INVS: variants seen among roughly 807,000 people sequenced by gnomAD.
INVS encodes inversion of embryo turning homolog.
A neutral mutation model predicts 108.8 loss-of-function variants in INVS; 86 were observed. The ratio of observed to expected loss-of-function variants is 0.79; its 90% CI spans 0.66 to 0.95. The LOEUF (loss-of-function observed/expected upper bound fraction) is 0.95. Among genes scored for constraint, INVS ranks in the 40% least tolerant of loss-of-function variants. INVS has a pLI of 0.00. For synonymous variants in INVS, 455 were observed against 473.5 expected (o/e 0.96, Z 0.51); for missense variants, 1,169 against 1,297.4 (o/e 0.90, Z 1.52).
At chr9:100,296,205 T>A (rs1833787086) in intron 14 of INVS, among the ~76,000 whole-genome samples, 3 of 152,182 alleles carry the variant, frequency 2.0e-5, no homozygotes, top group African/African-American at 7.2e-5. Context: ...ATAATAAACA[T>A]TGCTGCAGCT....
intron 8 of INVS, among the ~76,000 whole-genome samples, chr9:100,247,568 C>T (rs552452884): frequency 5.9e-5 from 9 of 152,002 alleles, no homozygotes; most frequent in African/African-American, 2.2e-4. Context: ...TAGAAACATG[C>T]TAGAGCCATT....
rs35535555 is a variant in INVS, at chr9:100,156,931, C to CAT, written c.273+30394_273+30395dup. Among the ~76,000 whole-genome samples the CAT allele has an allele frequency of 6.4e-3, 802 of 124,604 alleles. 10 individuals are homozygous for CAT. Among genetic ancestry groups the CAT allele is most frequent in the African/African-American group, 0.021 (741 of 35,998 alleles). 81.7% of individuals were successfully genotyped at this position (124,604 alleles called of 152,430 possible). On this transcript the variant is annotated intron_variant, in intron 3 of 16. Coordinates refer to ENST00000262457, the MANE Select transcript of INVS (RefSeq NM_014425.5). ...TCAAACTAATATATATGTATATATA[C>CAT]ATATATATATATACACACACACACA...
intron 3 of INVS, among the ~76,000 whole-genome samples, chr9:100,158,158 TC>T (rs1829062263): frequency 1.3e-5 from 2 of 152,202 alleles, no homozygotes; most frequent in African/African-American, 4.8e-5. Context: ...TCTTAGTAGA[TC>T]TATCTTGTTT....
At chr9:100,177,448 G>T (rs541956831) in intron 3 of INVS, among the ~76,000 whole-genome samples, 1 of 152,118 alleles carries the variant, frequency 6.6e-6, no homozygotes, top group Non-Finnish European at 1.5e-5. Flanking sequence ...GGGGAGGGGC[G>T]TCCCCCATTA....
At chr9:100,278,135 G>C (rs1833163864) in intron 12 of INVS, among the ~76,000 whole-genome samples, 1 of 151,210 alleles carries the variant, frequency 6.6e-6, no homozygotes, top group Non-Finnish European at 1.5e-5. Context: ...TACTAGGGAG[G>C]TGGGAAGATC....
chr9:100,138,551 T>C (rs1325548411), intron 3 of INVS, among the ~76,000 whole-genome samples: 1 of 152,114 alleles, frequency 6.6e-6, no homozygotes, highest in Non-Finnish European at 1.5e-5. Context: ...ACCCAGCTTC[T>C]ACCCTTTCCG....
rs10527613 is a variant in INVS, at chr9:100,301,139, T to TCACACACA, written c.*498_*505dup. 593 of 167,882 alleles carry TCACACACA rather than the reference T, an allele frequency of 3.5e-3. 3 individuals carry two copies. Among genetic ancestry groups the TCACACACA allele is most frequent in the African/African-American group, 7.1e-3 (198 of 27,726 alleles). 10.4% of individuals were successfully genotyped at this position (167,882 alleles called of 1,614,324 possible). On this transcript the variant is annotated 3_prime_UTR_variant, in exon 17 of 17. Coordinates refer to ENST00000262457, the MANE Select transcript of INVS (RefSeq NM_014425.5). ...CCTGGCATCTAATGCAACAAACTTA[T>TCACACACA]CACACACACACACACACACACACAC...
At chr9:100,218,934 C>T (rs2118356009) in intron 3 of INVS, among the ~76,000 whole-genome samples, 1 of 152,114 alleles carries the variant, frequency 6.6e-6, no homozygotes, top group East Asian at 1.9e-4. Flanking sequence ...GTGGAAGATG[C>T]TCTATGGGTC....
At chr9:100,176,321 A>G (rs1279568807) in intron 3 of INVS, among the ~76,000 whole-genome samples, 1 of 152,194 alleles carries the variant, frequency 6.6e-6, no homozygotes, top group African/African-American at 2.4e-5. Context: ...ACAACATGAT[A>G]GAAGCTGTCT....
chr9:100,221,206 C>T (rs1480896139), intron 3 of INVS, among the ~76,000 whole-genome samples: 2 of 152,142 alleles, frequency 1.3e-5, no homozygotes, highest in Non-Finnish European at 2.9e-5. Context: ...TAGTATCTTC[C>T]TCTGTTCCAT....
chr9:100,288,185 A>G (rs1833503499), intron 13 of INVS, among the ~76,000 whole-genome samples: 1 of 152,058 alleles, frequency 6.6e-6, no homozygotes. Flanking sequence ...GTGGCTTCCT[A>G]TTCCATTGTT....
chr9:100,154,361 T>TTTTTTTG (rs1828904595), intron 3 of INVS, among the ~76,000 whole-genome samples: 2 of 127,136 alleles, frequency 1.6e-5, no homozygotes, highest in African/African-American at 6.0e-5. Flanking sequence ...TTTTTTTTTG[T>TTTTTTTG]AGAGATGGGT....
chr9:100,156,748 A>G (rs1336801704), intron 3 of INVS, among the ~76,000 whole-genome samples: 1 of 152,034 alleles, frequency 6.6e-6, no homozygotes, highest in Non-Finnish European at 1.5e-5. Flanking sequence ...TCATATATGT[A>G]TGTTTCCTTG....
chr9:100,201,905 C>T (rs936298524), intron 3 of INVS, among the ~76,000 whole-genome samples: 5 of 152,082 alleles, frequency 3.3e-5, no homozygotes, highest in South Asian at 2.1e-4. Flanking sequence ...GGAGAATGGG[C>T]GCATATACTT....
chr9:100,187,162 G>C (rs544686481), intron 3 of INVS, among the ~76,000 whole-genome samples: 2 of 152,168 alleles, frequency 1.3e-5, no homozygotes, highest in South Asian at 4.2e-4. Flanking sequence ...AAGATCAGTT[G>C]TAAGTATTTG....
intron 13 of INVS, among the ~76,000 whole-genome samples, chr9:100,285,370 C>A (rs1318108192): frequency 1.3e-5 from 2 of 152,172 alleles, no homozygotes; most frequent in South Asian, 2.1e-4. Context: ...TAAAATTTAT[C>A]ATTAGCTTTC....
At chr9:100,262,600 C>G (rs1296845114) in intron 10 of INVS, among the ~76,000 whole-genome samples, 1 of 113,084 alleles carries the variant, frequency 8.8e-6, no homozygotes, top group Non-Finnish European at 1.8e-5. Flanking sequence ...TTTTCTCTTT[C>G]TTTTTTAAAA....
chr9:100,212,702 A>G (rs1254315390), intron 3 of INVS, among the ~76,000 whole-genome samples: 1 of 151,908 alleles, frequency 6.6e-6, no homozygotes, highest in Non-Finnish European at 1.5e-5. Flanking sequence ...CCTTATTTCC[A>G]TTTAGCTCTC....
Position 100,128,094 on chromosome 9 carries a change from A to G in INVS, c.273+1545A>G, listed in dbSNP as rs1827943669. Among the ~76,000 whole-genome samples, 8 of 152,322 alleles carry G rather than the reference A, an allele frequency of 5.3e-5. 1 individual carries two copies. In the South Asian group the frequency reaches 1.7e-3, roughly 32 times the overall value. On this transcript the variant is annotated intron_variant, in intron 3 of 16. Transcript: ENST00000262457. ...GTGGAGCAAGTGAGGATTTCAGTTGATGATCCAACAGTATAACATCCTGTA... is the reference window on the plus strand; with the variant it reads ...GTGGAGCAAGTGAGGATTTCAGTTGGTGATCCAACAGTATAACATCCTGTA...
Sources: gnomAD v4.1 joint callset for allele counts (sites outside exome capture counted in the v4.1 genomes callset) on GRCh38, gnomAD v4.1.1 for gene constraint, MANE v1.5 for transcripts, NCBI Gene and HGNC (gene_info 2026-07-23, HGNC 2026-07-21) for gene names.